ARHGEF28: variants seen among roughly 807,000 people sequenced by gnomAD.
ARHGEF28 encodes the protein Rho guanine nucleotide exchange factor 28.
ARHGEF28 carries 152 observed loss-of-function variants against 206.6 expected under a neutral mutation model. The observed-to-expected ratio is 0.74, with a 90% CI of 0.64 to 0.84. The LOEUF is 0.84. Among genes scored for constraint, ARHGEF28 ranks in the 40% least tolerant of loss-of-function variants. The pLI is 0.00. For synonymous variants in ARHGEF28, 763 were observed against 776.4 expected (o/e 0.98, Z 0.29); for missense variants, 2,028 against 2,073.2 (o/e 0.98, Z 0.42).
At chr5:73,677,322 T>G (rs1449465465) in intron 1 of ARHGEF28, among the ~76,000 whole-genome samples, 3 of 152,234 alleles carry the variant, frequency 2.0e-5, no homozygotes, top group African/African-American at 7.2e-5. Flanking sequence ...CTTTCAAGGC[T>G]GCTATGAGGA....
chr5:73,850,101 T>TTTTTTTTTTTTTTTTTTTTTTGAGACGG (rs1194360823), intron 13 of ARHGEF28, among the ~76,000 whole-genome samples: 1 of 151,398 alleles, frequency 6.6e-6, no homozygotes, highest in South Asian at 2.1e-4. Context: ...TTTGCATTTT[T>TTTTTTTTTTTTTTTTTTTTTTGAGACGG]ATGCCATGCA....
intron 4 of ARHGEF28, 54 bp downstream of exon 4, chr5:73,753,256 G>C: frequency 6.7e-7 from 1 of 1,490,104 alleles, no homozygotes. Context: ...AGTTCAGAAT[G>C]TACCTTATGC....
intron 2 of ARHGEF28, among the ~76,000 whole-genome samples, chr5:73,742,140 T>G (rs1751471834): frequency 6.6e-6 from 1 of 152,220 alleles, no homozygotes; most frequent in Admixed American, 6.5e-5. Flanking sequence ...TAGCTTTTTC[T>G]TGGTTAGTTT....
chr5:73,858,259 C>T, intron 16 of ARHGEF28, 40 bp downstream of exon 16: 1 of 1,530,870 alleles, frequency 6.5e-7, no homozygotes, highest in Non-Finnish European at 8.7e-7. Context: ...TTGTTTTCAT[C>T]TCCTGACAGT....
chr5:73,651,522 C>A (rs567132387), intron 1 of ARHGEF28, among the ~76,000 whole-genome samples: 2 of 152,232 alleles, frequency 1.3e-5, no homozygotes, highest in East Asian at 3.9e-4. Flanking sequence ...ATTCTTGTTG[C>A]TTTTACTTTG....
intron 9 of ARHGEF28, among the ~76,000 whole-genome samples, chr5:73,822,884 C>T (rs764473533): frequency 1.3e-5 from 2 of 152,216 alleles, no homozygotes; most frequent in Non-Finnish European, 2.9e-5. Flanking sequence ...ACCTTGGCCT[C>T]CCAAAGTGCT....
chr5:73,892,115 A>G lies in ARHGEF28; in HGVS notation c.3451A>G (p.Arg1151Gly). The change falls in exon 27 of 36, where the codon AGA becomes GGA. Residue 1151 changes from arginine to glycine, a missense_variant. Physicochemically the swap from Arg to Gly is moderately radical, Grantham distance 125. Transcript: ENST00000513042. ...TGCTAGAGAAGTTGCTAATGAGGAG[A>G]GAGGAATGTTTCTGATCAGTGCTTC... The part of the protein sequence containing the change: ...LIAREVANEE[R>G]GMFLISASSA... The G allele has an allele frequency of 6.3e-7, 1 of 1,596,214 alleles. No individual in the cohort carries two copies. Among genetic ancestry groups the G allele is most frequent in the Non-Finnish European group, 8.5e-7 (1 of 1,170,334 alleles).
intron 9 of ARHGEF28, among the ~76,000 whole-genome samples, chr5:73,809,210 A>AC (rs960413144): frequency 1.3e-4 from 19 of 151,958 alleles, no homozygotes; most frequent in African/African-American, 4.1e-4. Flanking sequence ...GTCTCAAAAA[A>AC]AAAACAAAAC....
At chr5:73,787,848 G>T (rs184073965) in intron 7 of ARHGEF28, among the ~76,000 whole-genome samples, 5 of 152,180 alleles carry the variant, frequency 3.3e-5, no homozygotes, top group African/African-American at 1.2e-4. Context: ...CCATGATATG[G>T]ATAGGATATC....
rs1283644413 is a variant in ARHGEF28 at position 73,776,688 on chromosome 5, C to T, written c.832C>T (p.Leu278Phe). The T allele has an allele frequency of 6.2e-7, 1 of 1,612,646 alleles. No homozygotes were observed. Among genetic ancestry groups the T allele is most frequent in the Admixed American group, 1.7e-5 (1 of 59,966 alleles). ...GAAATACTTTTGGGATAGAGCCTTT[C>T]TTGTCAAGGTTTGTACATAGTGATT... is the stretch of plus-strand genomic sequence containing the variant. ...FRKYFWDRAF[L>F]VKAFEPEARP... The change falls in exon 6 of 36, where the codon CTT becomes TTT. Residue 278 changes from leucine (L) to phenylalanine (F), a missense_variant. Coordinates refer to ENST00000513042, the MANE Select transcript of ARHGEF28 (RefSeq NM_001177693.2).
chr5:73,746,819 A>G (rs1751745411), intron 2 of ARHGEF28, among the ~76,000 whole-genome samples: 1 of 152,074 alleles, frequency 6.6e-6, no homozygotes, highest in Non-Finnish European at 1.5e-5. Context: ...TCTCTATGCT[A>G]CCATTACTCT....
chr5:73,656,261 G>A (rs1745192838), intron 1 of ARHGEF28, among the ~76,000 whole-genome samples: 1 of 152,196 alleles, frequency 6.6e-6, no homozygotes, highest in South Asian at 2.1e-4. Flanking sequence ...GCAGAATAAA[G>A]CCCAGATCTG....
chr5:73,753,300 C>T, intron 4 of ARHGEF28, 98 bp downstream of exon 4: 2 of 1,304,384 alleles, frequency 1.5e-6, no homozygotes, highest in Non-Finnish European at 2.0e-6. Context: ...GGTTTTCCTG[C>T]CCACTTTTTA....
At chr5:73,916,360 G>A (rs1763211006) in intron 35 of ARHGEF28, among the ~76,000 whole-genome samples, 1 of 152,142 alleles carries the variant, frequency 6.6e-6, no homozygotes, top group East Asian at 1.9e-4. Context: ...TTTGAAGAGG[G>A]GGAATGTATT....
chr5:73,876,957 C>G (rs1243817465), intron 22 of ARHGEF28, among the ~76,000 whole-genome samples: 9 of 140,118 alleles, frequency 6.4e-5, no homozygotes, highest in Middle Eastern at 6.6e-3. Context: ...GGGAGGATTC[C>G]CTCTTTTTCT....
chr5:73,754,643 T>C (rs1752204873), intron 4 of ARHGEF28, among the ~76,000 whole-genome samples: 1 of 152,158 alleles, frequency 6.6e-6, no homozygotes, highest in Admixed American at 6.5e-5. Flanking sequence ...AAGTATTTAA[T>C]AAAGTAAATG....
intron 2 of ARHGEF28, among the ~76,000 whole-genome samples, chr5:73,728,591 A>G (rs1282653871): frequency 6.6e-6 from 1 of 152,254 alleles, no homozygotes; most frequent in African/African-American, 2.4e-5. Flanking sequence ...CTTCTCGTCC[A>G]GAAAGCTAAA....
chr5:73,718,728 C>T (rs949572057), intron 2 of ARHGEF28, among the ~76,000 whole-genome samples: 2 of 152,186 alleles, frequency 1.3e-5, no homozygotes, highest in Non-Finnish European at 2.9e-5. Context: ...GGATGTCACT[C>T]GTGTAATCAC....
rs540548594 is a variant in ARHGEF28, at chr5:73,838,721, TTTACCTC to T, written c.1147-1755_1147-1749del. ...GAATAAATGAAAAATATGGTGTTCC[TTTACCTC>T]TTAATCTTTCATGGTGTATTTTCCT... On this transcript the variant is annotated intron_variant, in intron 10 of 35. Coordinates refer to ENST00000513042, the MANE Select transcript of ARHGEF28 (RefSeq NM_001177693.2). Among the ~76,000 whole-genome samples the T allele has an allele frequency of 2.0e-4, 31 of 152,338 alleles. 1 individual carries two copies. The East Asian group carries it at 5.8e-3, about 28-fold the overall frequency.
Sources: allele counts gnomAD v4.1 joint callset (sites outside exome capture counted in the v4.1 genomes callset), GRCh38; gene constraint gnomAD v4.1.1; transcripts MANE v1.5; gene names NCBI Gene and HGNC (gene_info 2026-07-23, HGNC 2026-07-21).